Variants in ERC1 observed in about 807,000 individuals in gnomAD.
ERC1 encodes the protein RAB6 interacting protein 2.
In ERC1, 56 loss-of-function variants were observed where a neutral mutation model predicts 132.0. The ratio of observed to expected loss-of-function variants is 0.42; its 90% confidence interval spans 0.34 to 0.53. ERC1 has a LOEUF of 0.53. Among genes scored for constraint, ERC1 ranks in the 20% least tolerant of loss-of-function variants. ERC1 has a pLI of 0.03. For missense variants in ERC1, 1,202 were observed against 1,349.9 expected (o/e 0.89, Z 1.72); for synonymous variants, 478 against 476.1 (o/e 1.00, Z -0.05).
chr12:1,020,098 A>G (rs1295791330), intron 1 of ERC1, among the ~76,000 whole-genome samples: 2 of 152,120 alleles, frequency 1.3e-5, no homozygotes, highest in African/African-American at 4.8e-5. Context: ...CACTTTAAAC[A>G]TCGCAGAAAA....
intron 12 of ERC1, among the ~76,000 whole-genome samples, chr12:1,230,089 C>T (rs1181289541): frequency 6.6e-6 from 1 of 150,518 alleles, no homozygotes; most frequent in Non-Finnish European, 1.5e-5. Context: ...TCACTGCAAC[C>T]ACCGCCTCCC....
intron 3 of ERC1, among the ~76,000 whole-genome samples, chr12:1,097,235 A>G (rs975232138): frequency 6.6e-6 from 1 of 152,172 alleles, no homozygotes; most frequent in Non-Finnish European, 1.5e-5. Flanking sequence ...TCGTGTGTAT[A>G]GAATTTGTGG....
chr12:1,137,134 C>G (rs1949334904), intron 7 of ERC1, among the ~76,000 whole-genome samples: 1 of 131,286 alleles, frequency 7.6e-6, no homozygotes, highest in Non-Finnish European at 1.6e-5. Context: ...GAGTCTCACT[C>G]TGTTGGCAGG....
At chr12:1,400,953 T>TTTTTTTTTTTTTTTG (rs1477365626) in intron 16 of ERC1, among the ~76,000 whole-genome samples, 2 of 90,272 alleles carry the variant, frequency 2.2e-5, no homozygotes, top group African/African-American at 3.9e-5. Flanking sequence ...TTTTTTTTTT[T>TTTTTTTTTTTTTTTG]GTGACGGAGT....
intron 7 of ERC1, among the ~76,000 whole-genome samples, chr12:1,130,523 T>C (rs1948655420): frequency 6.6e-6 from 1 of 152,206 alleles, no homozygotes; most frequent in Non-Finnish European, 1.5e-5. Context: ...TGCAGTATAC[T>C]TTGTGTAGCC....
intron 18 of ERC1, among the ~76,000 whole-genome samples, chr12:1,447,621 GTCTTTGTTTTGT>G (rs1422482047): frequency 6.7e-6 from 1 of 150,292 alleles, no homozygotes; most frequent in African/African-American, 2.5e-5. Flanking sequence ...AAAACAGTTT[GTCTTTGTTTTGT>G]TTTTGTTTTT....
intron 18 of ERC1, among the ~76,000 whole-genome samples, chr12:1,467,710 T>C (rs373313984): frequency 6.6e-6 from 1 of 152,264 alleles, no homozygotes; most frequent in East Asian, 1.9e-4. Flanking sequence ...GAAATAATTA[T>C]ACAATTCACC....
At chr12:1,423,561 C>G (rs755269570) in intron 17 of ERC1, among the ~76,000 whole-genome samples, 1 of 152,176 alleles carries the variant, frequency 6.6e-6, no homozygotes, top group South Asian at 2.1e-4. Flanking sequence ...TTGTCACATA[C>G]AGTGTTCTGT....
chr12:1,218,259 C>G (rs1242249236), intron 12 of ERC1, among the ~76,000 whole-genome samples: 1 of 152,168 alleles, frequency 6.6e-6, no homozygotes, highest in Admixed American at 6.5e-5. Context: ...TTCACCTCTG[C>G]TGCCTTTTCT....
intron 15 of ERC1, among the ~76,000 whole-genome samples, chr12:1,306,311 A>C (rs1216482718): frequency 1.3e-5 from 2 of 152,224 alleles, no homozygotes; most frequent in African/African-American, 4.8e-5. Context: ...GCTGGGAAGT[A>C]GACCAGGTGG....
At chr12:1,390,627 G>A (rs2089876026) in intron 16 of ERC1, 1 of 152,184 alleles carries the variant, frequency 6.6e-6, no homozygotes, top group Non-Finnish European at 1.5e-5. Flanking sequence ...GGTACTGTCA[G>A]TTCATCTCCC....
chr12:1,125,290 A>G (rs147159036), intron 7 of ERC1, among the ~76,000 whole-genome samples: 90 of 152,020 alleles, frequency 5.9e-4, no homozygotes, highest in Middle Eastern at 3.4e-3. Flanking sequence ...CACCGCGCCC[A>G]GCCCAATATT....
intron 7 of ERC1, among the ~76,000 whole-genome samples, chr12:1,131,637 T>C (rs1266726356): frequency 5.7e-5 from 1 of 17,472 alleles, no homozygotes; most frequent in African/African-American, 6.2e-5. Context: ...AATTTTTTTG[T>C]ATTTTTTTTA....
At chr12:1,396,999 C>T (rs1248592141) in intron 16 of ERC1, among the ~76,000 whole-genome samples, 1 of 152,178 alleles carries the variant, frequency 6.6e-6, no homozygotes, top group Non-Finnish European at 1.5e-5. Context: ...AAGCCTGTAC[C>T]TTCCCCAGGT....
chr12:1,006,061 A>T (rs549526689), intron 1 of ERC1, among the ~76,000 whole-genome samples: 240 of 151,552 alleles, frequency 1.6e-3, no homozygotes, highest in African/African-American at 5.6e-3. Flanking sequence ...GGGTTCAAGC[A>T]ATTCTCTGCC....
intron 15 of ERC1, among the ~76,000 whole-genome samples, chr12:1,346,958 AAAAG>A (rs1466026137): frequency 9.9e-5 from 15 of 151,448 alleles, no homozygotes; most frequent in African/African-American, 3.2e-4. Context: ...CAAAAAAAAA[AAAAG>A]AGAGAGATGA....
intron 15 of ERC1, among the ~76,000 whole-genome samples, chr12:1,327,651 A>G (rs2154356422): frequency 6.6e-6 from 1 of 152,268 alleles, no homozygotes; most frequent in South Asian, 2.1e-4. Context: ...TTTCCAAAGT[A>G]ATGTTATCTG....
In ERC1 at chr12:994,397, G is replaced by T. The variant is rs189515849; in HGVS notation, c.-157+3075G>T. 3.1e-3 allele frequency among the ~76,000 whole-genome samples: 465 copies of T among 152,248 alleles called. 1 individual carries two copies. Among genetic ancestry groups the T allele is most frequent in the Non-Finnish European group, 4.8e-3 (325 of 68,022 alleles). ...GCTCACCAAGTCTTTCAGTGTACTA[G>T]AGTTTGGGTTCTGGGGTCAGAGTGC... On this transcript the variant is annotated intron_variant, in intron 1 of 18. Transcript: ENST00000360905.
rs1366972049 is a variant in ERC1, at chr12:1,018,870, A to G, written c.-156-8878A>G. Among the ~76,000 whole-genome samples, 10 of 152,334 alleles carry G rather than the reference A, an allele frequency of 6.6e-5. No individual in the cohort carries two copies. In the South Asian group the frequency reaches 1.0e-3, roughly 16 times the overall value. On this transcript the variant is annotated intron_variant, in intron 1 of 18. Coordinates refer to ENST00000360905, the MANE Select transcript of ERC1 (RefSeq NM_178040.4). ...CTGGTTACCTCAGAGGAGCACCTAA[A>G]TTAGACTGAGGGGCATGAAGGTTTG... is the stretch of plus-strand genomic sequence containing the variant.
Sources: allele counts gnomAD v4.1 joint callset (sites outside exome capture counted in the v4.1 genomes callset), GRCh38; gene constraint gnomAD v4.1.1; transcripts MANE v1.5; gene names NCBI Gene and HGNC (gene_info 2026-07-23, HGNC 2026-07-21).